Variants in SLC2A14 observed in about 807,000 individuals in gnomAD.
SLC2A14 encodes solute carrier family 2 member 14.
In SLC2A14, 13 loss-of-function variants were observed where a neutral mutation model predicts 43.0. The observed-to-expected ratio is 0.30, with a 90% CI of 0.20 to 0.48. The LOEUF (loss-of-function observed/expected upper bound fraction) is 0.48, where lower values mean the gene tolerates loss of function less well. Ranked by LOEUF, SLC2A14 falls within the 20% of genes least tolerant of loss-of-function variation. The pLI, the probability that SLC2A14 is intolerant of heterozygous loss-of-function variation, is 0.99. For synonymous variants in SLC2A14, 190 were observed against 233.8 expected (o/e 0.81, Z 1.71); for missense variants, 428 against 620.4 (o/e 0.69, Z 3.29).
chr12:7,873,089 C>G (rs1945330910), upstream of SLC2A14: 1 of 985,376 alleles, frequency 1.0e-6, no homozygotes, highest in African/African-American at 1.7e-5. Context: ...ACCTGCGCAC[C>G]GCACGGTCCA....
At chr12:7,835,131 G>A (rs1372621001) in intron 2 of SLC2A14, among the ~76,000 whole-genome samples, 2 of 151,004 alleles carry the variant, frequency 1.3e-5, no homozygotes, top group African/African-American at 4.9e-5. Flanking sequence ...AATGTGAGGT[G>A]CGATGGGTAA....
chr12:7,832,853 A>C, intron 2 of SLC2A14, 39 bp from the exon 3 acceptor site: 1 of 1,583,148 alleles, frequency 6.3e-7, no homozygotes, highest in Non-Finnish European at 8.7e-7. Flanking sequence ...AATAGTCCTT[A>C]AAACTTGTAA....
chr12:7,834,864 C>T (rs1865315146), intron 2 of SLC2A14, among the ~76,000 whole-genome samples: 1 of 152,132 alleles, frequency 6.6e-6, no homozygotes, highest in African/African-American at 2.4e-5. Flanking sequence ...AGTCCTTCAC[C>T]CTGGCCACTA....
intron 2 of SLC2A14, chr12:7,863,467 A>G (rs754683734): frequency 2.2e-6 from 1 of 451,398 alleles, no homozygotes; most frequent in Non-Finnish European, 4.4e-6. Context: ...TCTATTAAAA[A>G]TACAAAAAAA....
intron 7 of SLC2A14, among the ~76,000 whole-genome samples, chr12:7,827,007 C>CTCTCTCTCTTTCTCTCCTT (rs1565508990): frequency 3.7e-4 from 51 of 136,052 alleles, no homozygotes; most frequent in African/African-American, 1.3e-3. Flanking sequence ...TCTCCTTTCT[C>CTCTCTCTCTTTCTCTCCTT]TCTCTCTCTT....
chr12:7,842,061 C>T (rs1464528535), intron 2 of SLC2A14, among the ~76,000 whole-genome samples: 3 of 151,912 alleles, frequency 2.0e-5, no homozygotes, highest in Admixed American at 6.6e-5. Flanking sequence ...ACTCCTCCAA[C>T]CCCTGGCAAT....
chr12:7,822,410 G>A (rs776298950), intron 7 of SLC2A14, among the ~76,000 whole-genome samples: 1 of 151,594 alleles, frequency 6.6e-6, no homozygotes, highest in African/African-American at 2.4e-5. Flanking sequence ...GCTCACGCCT[G>A]CAATCCCAGC....
At chr12:7,882,565 G>C (rs1239506929) in intron 1 of SLC2A14, among the ~76,000 whole-genome samples, 1 of 152,048 alleles carries the variant, frequency 6.6e-6, no homozygotes, top group African/African-American at 2.4e-5. Context: ...GTCGGCAGTG[G>C]CTCACACTTG....
chr12:7,831,515 G>A, intron 4 of SLC2A14, 89 bp downstream of exon 4: 6 of 1,552,648 alleles, frequency 3.9e-6, no homozygotes, highest in Non-Finnish European at 4.4e-6. Context: ...CTTATTCAAA[G>A]GCATCATCAC....
chr12:7,880,024 C>T (rs76161054), intron 1 of SLC2A14, among the ~76,000 whole-genome samples: 3,586 of 150,838 alleles, frequency 0.024, 99 homozygotes, highest in African/African-American at 0.069. Context: ...AACAACAGGC[C>T]GGGCATCATG....
At chr12:7,881,634 C>A (rs911756005) in intron 1 of SLC2A14, among the ~76,000 whole-genome samples, 1 of 152,166 alleles carries the variant, frequency 6.6e-6, no homozygotes, top group African/African-American at 2.4e-5. Flanking sequence ...CCAGTCCCAT[C>A]GACCACCCAA....
intron 7 of SLC2A14, among the ~76,000 whole-genome samples, chr12:7,825,115 T>C (rs900131598): frequency 2.0e-5 from 3 of 152,118 alleles, no homozygotes; most frequent in African/African-American, 7.2e-5. Context: ...TGATTATATG[T>C]GGAGCAAAAT....
intron 7 of SLC2A14, among the ~76,000 whole-genome samples, chr12:7,824,211 G>C (rs1864160506): frequency 6.6e-6 from 1 of 152,024 alleles, no homozygotes; most frequent in Non-Finnish European, 1.5e-5. Context: ...AGCCGAGATC[G>C]AGCCACTGCA....
At chr12:7,814,797 T>TATC (rs1044208184) in intron 10 of SLC2A14, among the ~76,000 whole-genome samples, 2 of 151,392 alleles carry the variant, frequency 1.3e-5, no homozygotes, top group African/African-American at 2.4e-5. Context: ...TTTTGAGTAT[T>TATC]ATTATTATTA....
rs1865143577 is a variant in SLC2A14 at position 7,832,775 on chromosome 12, T to C, written c.58A>G (p.Ile20Val). 6.2e-7 allele frequency: 1 copy of C among 1,614,094 alleles called. No homozygotes were observed. The change falls in exon 3 of 11, where the codon ATC becomes GTC. Residue 20 changes from isoleucine to valine, a missense_variant. Physicochemically the swap from Ile to Val is conservative, Grantham distance 29. This residue lies in a region of SLC2A14 where 122 missense variants were observed against 128.8 expected (regional missense o/e 0.95). Transcript: ENST00000431042. ...ALIFAITVAT[I>V]GSFQFGYNTG... Reference sequence around the variant, plus strand: ...TTGTAGCCAAACTGGAAAGAGCCGATTGTAGCAACTGTGATGGCAAAGATC... The same window carrying C: ...TTGTAGCCAAACTGGAAAGAGCCGACTGTAGCAACTGTGATGGCAAAGATC...
At chr12:7,821,384 C>T (rs181396679) in intron 7 of SLC2A14, 59 bp from the exon 8 acceptor site, 1 of 1,463,128 alleles carries the variant, frequency 6.8e-7, no homozygotes. Context: ...TACACAGAAC[C>T]CTCAAAAAAT....
chr12:7,872,778 C>CG, intron 1 of SLC2A14, 29 bp downstream of exon 1: 1 of 985,504 alleles, frequency 1.0e-6, no homozygotes, highest in Non-Finnish European at 1.2e-6. Flanking sequence ...CCGCACCCCC[C>CG]GGCCGCAGGG....
Position 7,886,438 on chromosome 12 carries a change from C to T in SLC2A14, c.132+4558G>A, listed in dbSNP as rs180805916. Among the ~76,000 whole-genome samples the T allele has an allele frequency of 2.9e-4, 44 of 151,584 alleles. 1 individual carries two copies. The highest frequency in any genetic ancestry group is 2.9e-3 in the Admixed American group (44 of 15,176). ...CCCAGGCTGGTCTCAAATACCTGGGCTCAAAGCAGTCCTCTTGCTTTAGTC... is the reference window on the plus strand; with the variant it reads ...CCCAGGCTGGTCTCAAATACCTGGGTTCAAAGCAGTCCTCTTGCTTTAGTC... On this transcript the variant is annotated intron_variant, in intron 1 of 9. Transcript: ENST00000539924.
At chr12:7,850,380 A>C (rs768955669) in intron 2 of SLC2A14, among the ~76,000 whole-genome samples, 1 of 152,242 alleles carries the variant, frequency 6.6e-6, no homozygotes, top group East Asian at 1.9e-4. Flanking sequence ...TCAGGTGAGG[A>C]ATGAACTAAT....
Sources: allele counts gnomAD v4.1 joint callset (sites outside exome capture counted in the v4.1 genomes callset), GRCh38; gene constraint gnomAD v4.1.1; regional missense constraint gnomAD v4.1.1; transcripts MANE v1.5; gene names NCBI Gene and HGNC (gene_info 2026-07-23, HGNC 2026-07-21).